The following KIFC3 variants were observed in gnomAD, a reference collection of about 807,000 sequenced individuals.
KIFC3 encodes the protein kinesin-like protein KIFC3.
Under a neutral mutation model 101.8 loss-of-function variants are expected in KIFC3, and 60 were observed. The ratio of observed to expected loss-of-function variants is 0.59; its 90% CI spans 0.48 to 0.73. KIFC3 has a LOEUF of 0.73. KIFC3 is among the 30% of genes least tolerant of loss of function. The pLI is 0.00. For synonymous variants in KIFC3, 476 were observed against 482.7 expected (o/e 0.99, Z 0.18); for missense variants, 966 against 1,137.1 (o/e 0.85, Z 2.16).
At chr16:57,852,111 T>C (rs2056071085) in intron 1 of KIFC3, among the ~76,000 whole-genome samples, 1 of 152,140 alleles carries the variant, frequency 6.6e-6, no homozygotes, top group Non-Finnish European at 1.5e-5. Context: ...TCTTTTTTCC[T>C]GCTTATTTTA....
chr16:57,761,005 G>GTGGGGA, intron 15 of KIFC3, 37 bp downstream of exon 15: 1 of 1,602,882 alleles, frequency 6.2e-7, no homozygotes, highest in Non-Finnish European at 8.5e-7. Flanking sequence ...CCTTGGGGTT[G>GTGGGGA]TGGGGATCCT....
At chr16:57,775,429 G>A in intron 3 of KIFC3, 1 of 1,024,980 alleles carries the variant, frequency 9.8e-7, no homozygotes, top group Non-Finnish European at 1.2e-6. Context: ...TGGGGGCTAG[G>A]TCTCGGGCTT....
chr16:57,817,665 C>G (rs1221391399), intron 1 of KIFC3, among the ~76,000 whole-genome samples: 1 of 152,176 alleles, frequency 6.6e-6, no homozygotes, highest in Non-Finnish European at 1.5e-5. Context: ...GGACTTAAGG[C>G]CTACGCTAAT....
intron 1 of KIFC3, among the ~76,000 whole-genome samples, chr16:57,849,148 C>T (rs1211890012): frequency 1.3e-5 from 2 of 152,138 alleles, no homozygotes; most frequent in Non-Finnish European, 2.9e-5. Context: ...TGTGGCTCTA[C>T]TCGTCTAAAT....
At chr16:57,759,000 A>C (rs1232885153) in intron 19 of KIFC3, 91 bp from the exon 20 acceptor site, 9 of 1,535,690 alleles carry the variant, frequency 5.9e-6, no homozygotes, top group Admixed American at 2.0e-5. Flanking sequence ...AACCCAGCAA[A>C]AGCACATAGA....
At chr16:57,813,867 G>A (rs1184859542) in intron 1 of KIFC3, 1 of 985,316 alleles carries the variant, frequency 1.0e-6, no homozygotes, top group African/African-American at 1.7e-5. Flanking sequence ...AAGCCATGCG[G>A]TCCCTGGTAG....
chr16:57,829,927 T>C (rs2055539039), intron 1 of KIFC3, among the ~76,000 whole-genome samples: 1 of 152,118 alleles, frequency 6.6e-6, no homozygotes, highest in Admixed American at 6.6e-5. Context: ...GCCAAGTCAT[T>C]CATAAGAGAA....
intron 7 of KIFC3, 56 bp downstream of exon 7, chr16:57,770,471 C>T (rs531420136): frequency 7.4e-7 from 1 of 1,350,642 alleles, no homozygotes; most frequent in Non-Finnish European, 9.5e-7. Context: ...TGCATTGGCC[C>T]AAGGGCCTGC....
chr16:57,857,414 T>C (rs1422576580), intron 1 of KIFC3, among the ~76,000 whole-genome samples: 10 of 151,062 alleles, frequency 6.6e-5, no homozygotes. Context: ...TTTTTAATTA[T>C]ACTTTAAATT....
intron 1 of KIFC3, among the ~76,000 whole-genome samples, chr16:57,823,958 A>G (rs574803482): frequency 3.0e-4 from 45 of 152,302 alleles, no homozygotes; most frequent in African/African-American, 8.7e-4. Flanking sequence ...ATCTATAGAA[A>G]AATTGCGAGA....
Position 57,819,849 on chromosome 16 carries a change from G to A in KIFC3, c.109-21567C>T, listed in dbSNP as rs938648224. ...GCTGGGATTACAGGCGTGAGCCACC[G>A]TGCCTGGCCCTTTTATTTTTATTTT... On this transcript the variant is annotated intron_variant, in intron 1 of 2. Coordinates refer to the KIFC3 transcript ENST00000563028. 4.6e-5 allele frequency among the ~76,000 whole-genome samples: 7 copies of A among 151,734 alleles called. No individual in the cohort carries two copies. In the East Asian group the frequency reaches 7.8e-4, roughly 17 times the overall value.
At chr16:57,810,307 C>T (rs1459541392) in intron 1 of KIFC3, among the ~76,000 whole-genome samples, 1 of 151,188 alleles carries the variant, frequency 6.6e-6, no homozygotes, top group African/African-American at 2.4e-5. Context: ...CTTAGCACCA[C>T]TGCTGCTGCT....
Position 57,794,993 on chromosome 16 carries a change from G to T in KIFC3, c.315+6C>A. The T allele has an allele frequency of 6.4e-7, 1 of 1,567,250 alleles. No individual in the cohort carries two copies. The highest frequency in any genetic ancestry group is 8.6e-7 in the Non-Finnish European group (1 of 1,164,140). The stretch of plus-strand genomic sequence containing the variant: ...CACATGCAGCCTGGAAGGCCCCAGT[G>T]CTTACCTGCAGGGTCAGGTAGAGCC... On this transcript the variant is annotated splice_donor_region_variant and intron_variant, in intron 3 of 19. Transcript: ENST00000445690.
intron 1 of KIFC3, among the ~76,000 whole-genome samples, chr16:57,801,021 T>C (rs192226744): frequency 1.3e-5 from 2 of 152,306 alleles, no homozygotes; most frequent in East Asian, 1.9e-4. Context: ...CACCACCTTA[T>C]AGGGTTGCTC....
chr16:57,771,089 C>T, intron 6 of KIFC3, 109 bp downstream of exon 6: 7 of 1,366,412 alleles, frequency 5.1e-6, no homozygotes, highest in Non-Finnish European at 4.0e-6. Context: ...GATTCTTCCA[C>T]CCACACACAC....
At chr16:57,842,549 T>C (rs535444096) in intron 1 of KIFC3, among the ~76,000 whole-genome samples, 102 of 152,346 alleles carry the variant, frequency 6.7e-4, no homozygotes, top group Admixed American at 2.9e-3. Context: ...AATAATTCAA[T>C]AATAATTCAA....
At chr16:57,782,669 C>T (rs1164043675) in intron 3 of KIFC3, among the ~76,000 whole-genome samples, 4 of 152,188 alleles carry the variant, frequency 2.6e-5, no homozygotes, top group Middle Eastern at 3.2e-3. Flanking sequence ...ACAGGCTGGG[C>T]GCGGTGGCTC....
Position 57,766,909 on chromosome 16 carries a change from C to T in KIFC3, c.1295G>A (p.Arg432His), listed in dbSNP as rs1555603421. Residue 432 changes from arginine (R) to histidine (H), a missense_variant, in exon 10 of 20, where the codon CGT (arginine) becomes CAT (histidine). Around this residue, in one of 2 missense-constraint regions of KIFC3, gnomAD observed 689 missense variants for 884.6 expected, o/e 0.78. Transcript: ENST00000445690. ...CACGAGCTCATTGTGGCACTTCTTACGCAGCTGCAGCTCGCGGCGGTACTT... is the reference window on the plus strand; with the variant it reads ...CACGAGCTCATTGTGGCACTTCTTATGCAGCTGCAGCTCGCGGCGGTACTT... Reference protein sequence around the residue: ...LRKYRRELQLRKKCHNELVRL... With the variant: ...LRKYRRELQLHKKCHNELVRL... 3 of 1,611,880 alleles carry T rather than the reference C, an allele frequency of 1.9e-6. No individual in the cohort carries two copies. The highest frequency in any genetic ancestry group is 1.3e-5 in the African/African-American group (1 of 74,916).
At chr16:57,780,562 T>G (rs1281643808) in intron 3 of KIFC3, among the ~76,000 whole-genome samples, 2 of 116,814 alleles carry the variant, frequency 1.7e-5, no homozygotes, top group Non-Finnish European at 3.7e-5. Context: ...ATGTTACGTC[T>G]ATTTTTAAAA....
Sources: gnomAD v4.1 joint callset for allele counts (sites outside exome capture counted in the v4.1 genomes callset) on GRCh38, gnomAD v4.1.1 for gene constraint, gnomAD v4.1.1 regional missense constraint, MANE v1.5 for transcripts, NCBI Gene and HGNC (gene_info 2026-07-23, HGNC 2026-07-21) for gene names.